The following TMEM266 variants were observed in gnomAD, a reference collection of about 807,000 sequenced individuals.
TMEM266 encodes transmembrane protein 266, also known as Hv1 related protein 1.
In TMEM266, 33 loss-of-function variants were observed where a neutral mutation model predicts 50.5. The observed-to-expected ratio is 0.65, with a 90% confidence interval of 0.50 to 0.87. The LOEUF is 0.87. Among genes scored for constraint, TMEM266 ranks in the 40% least tolerant of loss-of-function variants. TMEM266 has a pLI of 0.00. For missense variants in TMEM266, 655 were observed against 695.1 expected (o/e 0.94, Z 0.65); for synonymous variants, 310 against 292.3 (o/e 1.06, Z -0.62).
chr15:76,162,243 C>T (rs1432186674), intron 5 of TMEM266, among the ~76,000 whole-genome samples: 4 of 152,306 alleles, frequency 2.6e-5, no homozygotes, highest in African/African-American at 9.6e-5. Context: ...TAGCAGGGGC[C>T]ACCCCTGCCA....
chr15:76,151,266 C>T (rs1286171942), intron 3 of TMEM266, among the ~76,000 whole-genome samples: 2 of 152,202 alleles, frequency 1.3e-5, no homozygotes, highest in African/African-American at 4.8e-5. Flanking sequence ...CCACTAAGCC[C>T]CTTGAGTCAT....
intron 1 of TMEM266, among the ~76,000 whole-genome samples, chr15:76,105,279 C>T (rs1329362575): frequency 1.3e-5 from 2 of 152,076 alleles, no homozygotes; most frequent in African/African-American, 2.4e-5. Context: ...AGTTTTATTC[C>T]ACTTCACTAC....
At chr15:76,077,604 T>C (rs1300749300) in intron 1 of TMEM266, among the ~76,000 whole-genome samples, 1 of 152,016 alleles carries the variant, frequency 6.6e-6, no homozygotes, top group East Asian at 1.9e-4. Flanking sequence ...CAAGAGTCCT[T>C]ATAGGAGAGA....
chr15:76,107,476 G>C (rs1010630842), intron 1 of TMEM266, among the ~76,000 whole-genome samples: 6 of 152,192 alleles, frequency 3.9e-5, no homozygotes, highest in Non-Finnish European at 5.9e-5. Flanking sequence ...CATTATGAAA[G>C]AAACTGTTAT....
intron 5 of TMEM266, among the ~76,000 whole-genome samples, chr15:76,165,954 A>G (rs2038088470): frequency 6.6e-6 from 1 of 152,070 alleles, no homozygotes. Flanking sequence ...AGTTTGTTTA[A>G]AAAGCATATT....
At chr15:76,120,485 G>A (rs1015163131) in intron 1 of TMEM266, among the ~76,000 whole-genome samples, 1 of 152,068 alleles carries the variant, frequency 6.6e-6, no homozygotes, top group African/African-American at 2.4e-5. Flanking sequence ...GATAGGCCGG[G>A]TGCGGTGGCT....
intron 9 of TMEM266, among the ~76,000 whole-genome samples, 197 bp downstream of exon 9, chr15:76,192,354 TC>T (rs879861874): frequency 0.045 from 6,821 of 152,270 alleles, 326 homozygotes; most frequent in African/African-American, 0.13. Flanking sequence ...GAGCATGTAG[TC>T]CAGCCACCGA....
At chr15:76,201,110 A>ACAGCCCT (rs1208107647) in intron 9 of TMEM266, among the ~76,000 whole-genome samples, 1 of 151,874 alleles carries the variant, frequency 6.6e-6, no homozygotes, top group Non-Finnish European at 1.5e-5. Flanking sequence ...GGGAGGGAGG[A>ACAGCCCT]CAGCCCTCAG....
chr15:76,180,572 C>T (rs1325403687), intron 8 of TMEM266, among the ~76,000 whole-genome samples: 3 of 149,912 alleles, frequency 2.0e-5, no homozygotes, highest in Non-Finnish European at 4.4e-5. Context: ...CAGGTGTCTC[C>T]ACTGCACAGT....
intron 1 of TMEM266, among the ~76,000 whole-genome samples, chr15:76,084,305 C>A (rs150541627): frequency 6.3e-4 from 96 of 152,166 alleles, no homozygotes; most frequent in Admixed American, 2.7e-3. Context: ...ACGAGCAAGA[C>A]CCTGTCTCAA....
At chr15:76,194,634 G>C (rs965802464) in intron 9 of TMEM266, among the ~76,000 whole-genome samples, 1 of 152,192 alleles carries the variant, frequency 6.6e-6, no homozygotes, top group Non-Finnish European at 1.5e-5. Flanking sequence ...TGGGGGCTGG[G>C]AGTGAGAATC....
At chr15:76,060,831 C>G (rs2036287949) in intron 1 of TMEM266, among the ~76,000 whole-genome samples, 1 of 152,198 alleles carries the variant, frequency 6.6e-6, no homozygotes. Flanking sequence ...CCCTGTTTCA[C>G]AGTCACCAAT....
At chr15:76,203,175 A>C (rs898285360) in intron 10 of TMEM266, among the ~76,000 whole-genome samples, 4 of 140,358 alleles carry the variant, frequency 2.8e-5, no homozygotes, top group African/African-American at 5.3e-5. Context: ...CGCAGCCCCC[A>C]CCCCTGCCAG....
At chr15:76,081,919 C>G (rs2036700009) in intron 1 of TMEM266, among the ~76,000 whole-genome samples, 1 of 152,192 alleles carries the variant, frequency 6.6e-6, no homozygotes, top group South Asian at 2.1e-4. Context: ...GTTTTTTCCT[C>G]TAGGACCTTC....
rs548525449 is a variant in TMEM266 at position 76,103,300 on chromosome 15, C to T, written c.-96-30868C>T. ...GGAGGATTGCTTGAGCCCAGGAGTT[C>T]AAGAACAGCCTGGGCAAAGTCTCAA... is the stretch of plus-strand genomic sequence containing the variant. On this transcript the variant is annotated intron_variant, in intron 1 of 10. Transcript: ENST00000388942. 2.0e-5 allele frequency among the ~76,000 whole-genome samples: 3 copies of T among 150,384 alleles called. No individual in the cohort carries two copies. In the East Asian group the frequency reaches 5.9e-4, roughly 30 times the overall value.
At chr15:76,146,611 A>C (rs1172200164) in intron 3 of TMEM266, among the ~76,000 whole-genome samples, 1 of 152,280 alleles carries the variant, frequency 6.6e-6, no homozygotes, top group African/African-American at 2.4e-5. Context: ...TTAGAAAAAT[A>C]AGACAGACCC....
chr15:76,200,727 C>T (rs1281922281), intron 9 of TMEM266, among the ~76,000 whole-genome samples: 2 of 152,188 alleles, frequency 1.3e-5, no homozygotes, highest in African/African-American at 4.8e-5. Context: ...GGGCAGCAGC[C>T]AGGCTAGACA....
At chr15:76,145,137 T>TTCATC (rs375674716) in intron 3 of TMEM266, among the ~76,000 whole-genome samples, 34 of 152,134 alleles carry the variant, frequency 2.2e-4, no homozygotes, top group African/African-American at 6.8e-4. Flanking sequence ...CCAGATTCCT[T>TTCATC]TCATCTCTGC....
At chr15:76,203,340 T>TGTAG (rs574434906) in intron 10 of TMEM266, among the ~76,000 whole-genome samples, 1 of 152,220 alleles carries the variant, frequency 6.6e-6, no homozygotes, top group South Asian at 2.1e-4. Flanking sequence ...AAAAGCCCAC[T>TGTAG]GTAGGTTGGC....
Sources: gnomAD v4.1 joint callset for allele counts (sites outside exome capture counted in the v4.1 genomes callset) on GRCh38, gnomAD v4.1.1 for gene constraint, MANE v1.5 for transcripts, NCBI Gene and HGNC (gene_info 2026-07-23, HGNC 2026-07-21) for gene names.